Variants in SPRYD7 observed in about 807,000 individuals in gnomAD.
SPRYD7 encodes SPRY domain containing 7.
SPRYD7 carries 14 observed loss-of-function variants against 23.8 expected under a neutral mutation model. The ratio of observed to expected loss-of-function variants is 0.59; its 90% CI spans 0.39 to 0.92. SPRYD7 has a LOEUF of 0.92. Ranked by LOEUF, SPRYD7 falls within the 40% of genes least tolerant of loss-of-function variation. The pLI is 0.00. For missense variants in SPRYD7, 194 were observed against 241.7 expected, an observed-to-expected ratio of 0.80 and a Z score of 1.31; for synonymous variants, 75 against 84.9, an observed-to-expected ratio of 0.88 and a Z score of 0.64.
intron 4 of SPRYD7, among the ~76,000 whole-genome samples, chr13:49,921,222 G>A (rs1350087823): frequency 6.6e-6 from 1 of 152,082 alleles, no homozygotes; most frequent in Non-Finnish European, 1.5e-5. Context: ...GTTTCATAAG[G>A]GGCTTTCCCC....
At chr13:49,918,252 G>A (rs760653246) in intron 4 of SPRYD7, among the ~76,000 whole-genome samples, 28 of 152,086 alleles carry the variant, frequency 1.8e-4, no homozygotes, top group Non-Finnish European at 3.1e-4. Context: ...TTGTCGAGAC[G>A]TGTTCTCACT....
intron 3 of SPRYD7, among the ~76,000 whole-genome samples, chr13:49,924,672 G>A (rs895431698): frequency 9.9e-5 from 15 of 151,796 alleles, no homozygotes; most frequent in Non-Finnish European, 1.2e-4. Flanking sequence ...CTGTAAAATG[G>A]GGATAATAAT....
chr13:49,934,426 G>A (rs1230031401), intron 1 of SPRYD7, among the ~76,000 whole-genome samples: 1 of 151,684 alleles, frequency 6.6e-6, no homozygotes, highest in Non-Finnish European at 1.5e-5. Flanking sequence ...TTGATGGTGG[G>A]CGCCTGTAAT....
chr13:49,917,205 G>A (rs1206131297), intron 4 of SPRYD7, among the ~76,000 whole-genome samples: 4 of 152,112 alleles, frequency 2.6e-5, no homozygotes, highest in Non-Finnish European at 4.4e-5. Flanking sequence ...CCCGGTTCAC[G>A]CTATTCTCTT....
chr13:49,932,842 G>A (rs547997517), intron 1 of SPRYD7, among the ~76,000 whole-genome samples: 1 of 152,280 alleles, frequency 6.6e-6, no homozygotes, highest in South Asian at 2.1e-4. Flanking sequence ...AGATCCTATT[G>A]TATGATTACT....
rs1008189090 is a variant in SPRYD7 at position 49,927,075 on chromosome 13, C to T, written c.390+844G>A. ...TCTGCTTTCTAAAAAAAAAACTTTT[C>T]TACGATCAAGCTTTAGGATTTTGAG... is the stretch of plus-strand genomic sequence containing the variant. On this transcript the variant is annotated intron_variant, in intron 3 of 4. Transcript: ENST00000361840. Among the ~76,000 whole-genome samples the T allele has an allele frequency of 4.7e-4, 71 of 152,064 alleles. 1 individual carries two copies. The highest frequency in any genetic ancestry group is 1.7e-3 in the African/African-American group (71 of 41,402).
chr13:49,933,327 G>A (rs534647269), intron 1 of SPRYD7, among the ~76,000 whole-genome samples: 3 of 152,232 alleles, frequency 2.0e-5, no homozygotes, highest in Admixed American at 6.5e-5. Context: ...TTGGCCAGGC[G>A]AGGTGGCTAA....
chr13:49,926,765 A>T (rs1955887074), intron 3 of SPRYD7, among the ~76,000 whole-genome samples: 1 of 152,084 alleles, frequency 6.6e-6, no homozygotes, highest in Non-Finnish European at 1.5e-5. Flanking sequence ...TCCTTCTCTC[A>T]TTATTCATAG....
At position 49,914,405 on chromosome 13, in the gene SPRYD7, A is replaced by G. The variant is rs1306921544; in HGVS notation, c.*658T>C. The G allele has an allele frequency of 6.5e-6, 1 of 153,122 alleles. No individual in the cohort carries two copies. Among genetic ancestry groups the G allele is most frequent in the African/African-American group, 2.4e-5 (1 of 41,450 alleles). The allele number at this position is 153,122 out of a possible 1,614,324, so 9.5% of individuals were successfully genotyped here. A position where few individuals can be genotyped will look rare whatever the true frequency, so the allele number is the denominator to read the frequency against. On this transcript the variant is annotated 3_prime_UTR_variant, in exon 5 of 5. Transcript: ENST00000361840. Reference sequence around the variant, plus strand: ...TCTGCCAGTGTATACTACATTACTAATCAACCACTACTTACTCTGAAATTG... The same window carrying G: ...TCTGCCAGTGTATACTACATTACTAGTCAACCACTACTTACTCTGAAATTG...
chr13:49,915,152 T>G lies in SPRYD7; in HGVS notation c.502A>C (p.Ser168Arg). The G allele has an allele frequency of 1.3e-6, 2 of 1,541,958 alleles. No individual in the cohort carries two copies. Among genetic ancestry groups the G allele is most frequent in the Non-Finnish European group, 1.8e-6 (2 of 1,132,454 alleles). Residue 168 changes from serine (S) to arginine (R), a missense_variant, in exon 5 of 5, where the codon AGT becomes CGT. Coordinates refer to ENST00000361840, the MANE Select transcript of SPRYD7 (RefSeq NM_020456.4). ...CTGAACTGGCAATCCAAAATTGCAC[T>G]GTCATCAACTAAAGGATACAAAAAG... ...TVYPVVYVDD[S>R]AILDCQFSEF...
At chr13:49,933,606 AAAAAAAAAAG>A (rs1470479339) in intron 1 of SPRYD7, among the ~76,000 whole-genome samples, 10 of 151,806 alleles carry the variant, frequency 6.6e-5, no homozygotes, top group South Asian at 2.1e-4. Flanking sequence ...CCTCTCAAAA[AAAAAAAAAAG>A]AAAAAAAAAG....
chr13:49,926,845 G>A (rs1955887861), intron 3 of SPRYD7, among the ~76,000 whole-genome samples: 1 of 152,130 alleles, frequency 6.6e-6, no homozygotes, highest in South Asian at 2.1e-4. Context: ...GGCTGAAGGA[G>A]ACTCTAGGAC....
intron 4 of SPRYD7, among the ~76,000 whole-genome samples, chr13:49,915,804 A>G (rs1460478985): frequency 1.3e-5 from 2 of 152,228 alleles, no homozygotes; most frequent in Non-Finnish European, 1.5e-5. Flanking sequence ...ATGTCCATCA[A>G]CTGGTGAAGG....
chr13:49,928,848 C>G (rs562609943), intron 2 of SPRYD7, among the ~76,000 whole-genome samples: 1 of 152,270 alleles, frequency 6.6e-6, no homozygotes, highest in East Asian at 1.9e-4. Flanking sequence ...CAAGCTCTCC[C>G]TTTGAAAAGT....
In SPRYD7 at chr13:49,936,295, G is replaced by T. The variant is rs1871631201; in HGVS notation, c.-60C>A. 7.9e-7 allele frequency: 1 copy of T among 1,258,690 alleles called. No individual in the cohort carries two copies. Among genetic ancestry groups the T allele is most frequent in the Non-Finnish European group, 1.1e-6 (1 of 905,798 alleles). 78.0% of individuals were successfully genotyped at this position (1,258,690 alleles called of 1,614,324 possible). ...GACCGAGGCGACACTGCCCCCCGCC[G>T]CTCAGCTCCGTCTCCTGCCCCCGCC... On this transcript the variant is annotated 5_prime_UTR_variant, in exon 1 of 5. Transcript: ENST00000361840.
intron 3 of SPRYD7, among the ~76,000 whole-genome samples, chr13:49,925,639 G>A (rs770294654): frequency 3.3e-5 from 5 of 151,610 alleles, no homozygotes; most frequent in Non-Finnish European, 5.9e-5. Context: ...GTGAAAACCC[G>A]TCTCTAGTAA....
intron 4 of SPRYD7, among the ~76,000 whole-genome samples, chr13:49,921,182 A>C (rs1402568917): frequency 5.9e-5 from 9 of 152,056 alleles, no homozygotes; most frequent in African/African-American, 1.9e-4. Context: ...TGTTCTTGTA[A>C]AAGTGAGTGA....
At chr13:49,922,065 A>G (rs1955827578) in intron 3 of SPRYD7, among the ~76,000 whole-genome samples, 1 of 152,092 alleles carries the variant, frequency 6.6e-6, no homozygotes, top group Admixed American at 6.6e-5. Context: ...AAGAAATAAC[A>G]CATTTCTACA....
At chr13:49,933,797 A>G (rs1428787167) in intron 1 of SPRYD7, among the ~76,000 whole-genome samples, 2 of 152,146 alleles carry the variant, frequency 1.3e-5, no homozygotes, top group African/African-American at 4.8e-5. Flanking sequence ...ACATAGCCAC[A>G]GAGGATGTTT....
Sources: gnomAD v4.1 joint callset for allele counts (sites outside exome capture counted in the v4.1 genomes callset) on GRCh38, gnomAD v4.1.1 for gene constraint, MANE v1.5 for transcripts, NCBI Gene and HGNC (gene_info 2026-07-23, HGNC 2026-07-21) for gene names.